Variants in TIMM23 observed in about 807,000 individuals in gnomAD.
TIMM23 encodes the protein mitochondrial import inner membrane translocase subunit Tim23.
Under a neutral mutation model 30.7 loss-of-function variants are expected in TIMM23, and 19 were observed. The ratio of observed to expected loss-of-function variants is 0.62; its 90% confidence interval spans 0.43 to 0.91. The LOEUF (loss-of-function observed/expected upper bound fraction) is 0.91, where lower values mean the gene tolerates loss of function less well. Among genes scored for constraint, TIMM23 ranks in the 40% least tolerant of loss-of-function variants. The pLI is 0.00. For synonymous variants in TIMM23, 78 were observed against 98.5 expected, an observed-to-expected ratio of 0.79 and a Z score of 1.23; for missense variants, 202 against 269.2, an observed-to-expected ratio of 0.75 and a Z score of 1.75.
intron 6 of TIMM23, among the ~76,000 whole-genome samples, 161 bp from the exon 7 acceptor site, chr10:46,003,039 ACTC>A (rs1405078140): frequency 6.6e-6 from 1 of 151,478 alleles, no homozygotes; most frequent in Non-Finnish European, 1.5e-5. Flanking sequence ...GGCTGGTTGA[ACTC>A]CTATCCTCAA....
At chr10:45,973,541 T>G (rs1264551356) in intron 1 of TIMM23, among the ~76,000 whole-genome samples, 33 of 152,254 alleles carry the variant, frequency 2.2e-4, no homozygotes, top group African/African-American at 7.0e-4. Context: ...CAACGAAATA[T>G]GTTCAGACTG....
chr10:45,998,662 A>T (rs887002434), intron 6 of TIMM23, among the ~76,000 whole-genome samples: 8 of 152,206 alleles, frequency 5.3e-5, no homozygotes, highest in Non-Finnish European at 1.0e-4. Flanking sequence ...ATGCTATGTG[A>T]TAAGTACAAA....
chr10:45,972,572 G>C lies in TIMM23; in HGVS notation c.-53G>C. 10 of 1,584,658 alleles carry C rather than the reference G, an allele frequency of 6.3e-6. No homozygotes were observed. Among genetic ancestry groups the C allele is most frequent in the Non-Finnish European group, 7.7e-6 (9 of 1,163,810 alleles). On this transcript the variant is annotated 5_prime_UTR_variant, in exon 1 of 7. Transcript: ENST00000580018. ...TGTTATTGAGGAGTAACGGCCCAGC[G>C]GACCACCCAGGCTTGAGGCAGCGGC...
rs1440625412 is a variant in TIMM23, at chr10:45,993,952, G to A, written c.514+5105G>A. ...ATATTGAAATGAATAATAAAATTCC[G>A]GGTGTGGTGGTGCACTCCAGCTTGG... On this transcript the variant is annotated intron_variant, in intron 6 of 6. Coordinates refer to ENST00000580018, the MANE Select transcript of TIMM23 (RefSeq NM_006327.4). Among the ~76,000 whole-genome samples the A allele has an allele frequency of 6.6e-5, 10 of 152,318 alleles. No homozygotes were observed. The East Asian group carries it at 1.3e-3, about 21-fold the overall frequency.
At chr10:45,985,900 T>C (rs1358842222) in intron 5 of TIMM23, among the ~76,000 whole-genome samples, 2 of 152,376 alleles carry the variant, frequency 1.3e-5, no homozygotes, top group East Asian at 3.9e-4. Flanking sequence ...ACAATTGGAA[T>C]AGGTTCCTTG....
intron 6 of TIMM23, among the ~76,000 whole-genome samples, chr10:45,989,950 T>A (rs1390700057): frequency 6.6e-6 from 1 of 152,170 alleles, no homozygotes; most frequent in Non-Finnish European, 1.5e-5. Context: ...ATTTTTTAAG[T>A]CAAGGTTTTT....
At chr10:45,986,756 A>C (rs1333323031) in intron 5 of TIMM23, among the ~76,000 whole-genome samples, 5 of 152,106 alleles carry the variant, frequency 3.3e-5, no homozygotes, top group Non-Finnish European at 7.4e-5. Flanking sequence ...ATACGTGAGA[A>C]TCAAACCTCA....
At chr10:45,983,118 A>G (rs1294273966) in intron 4 of TIMM23, among the ~76,000 whole-genome samples, 188 bp downstream of exon 4, 1 of 152,280 alleles carries the variant, frequency 6.6e-6, no homozygotes, top group Non-Finnish European at 1.5e-5. Flanking sequence ...GCTTTTAAAA[A>G]GGAGTGATTT....
At chr10:45,993,446 GTT>G (rs1403635957) in intron 6 of TIMM23, among the ~76,000 whole-genome samples, 2 of 151,798 alleles carry the variant, frequency 1.3e-5, no homozygotes, top group Non-Finnish European at 2.9e-5. Flanking sequence ...TAGAGACGGG[GTT>G]TCTCCATGTT....
chr10:45,976,261 C>A lies in TIMM23; in HGVS notation c.165+749C>A, dbSNP rs1192633428. Reference sequence around the variant, plus strand: ...TATAGTACAAAGACCACATGCTTATCTCAATAGATTCACAAAAATCATTTG... The same window carrying A: ...TATAGTACAAAGACCACATGCTTATATCAATAGATTCACAAAAATCATTTG... On this transcript the variant is annotated intron_variant, in intron 2 of 6. Transcript: ENST00000580018. Among the ~76,000 whole-genome samples the A allele has an allele frequency of 1.6e-4, 24 of 151,252 alleles. 1 individual carries two copies. Among genetic ancestry groups the A allele is most frequent in the Admixed American group, 1.4e-3 (21 of 15,176 alleles).
At chr10:46,001,621 A>C (rs1838540993) in intron 6 of TIMM23, among the ~76,000 whole-genome samples, 1 of 152,090 alleles carries the variant, frequency 6.6e-6, no homozygotes, top group Non-Finnish European at 1.5e-5. Flanking sequence ...CACGGAGCTA[A>C]AAGGGCCTCT....
At chr10:45,986,762 C>A (rs1554914832) in intron 5 of TIMM23, among the ~76,000 whole-genome samples, 2 of 151,410 alleles carry the variant, frequency 1.3e-5, no homozygotes, top group Non-Finnish European at 2.9e-5. Context: ...GAGAATCAAA[C>A]CTCACTTTTT....
chr10:45,991,804 A>T (rs1454683787), intron 6 of TIMM23, among the ~76,000 whole-genome samples: 1 of 151,720 alleles, frequency 6.6e-6, no homozygotes. Context: ...TTACTAGAAG[A>T]CTGTTTGCTG....
intron 2 of TIMM23, among the ~76,000 whole-genome samples, chr10:45,975,831 T>C (rs1837658002): frequency 6.6e-6 from 1 of 152,186 alleles, no homozygotes; most frequent in African/African-American, 2.4e-5. Context: ...GCCAGAGTTT[T>C]GCTTTTGTCC....
Position 46,003,625 on chromosome 10 carries a change from G to T in TIMM23, c.*307G>T. On this transcript the variant is annotated 3_prime_UTR_variant, in exon 7 of 7. Coordinates refer to ENST00000580018, the MANE Select transcript of TIMM23 (RefSeq NM_006327.4). ...ACCACTTACTCCCAGAATTCAGGTC[G>T]TGCTTGTTAGTACTATATCACCAAG... 4.0e-6 allele frequency: 1 copy of T among 247,692 alleles called. No individual in the cohort carries two copies. Among genetic ancestry groups the T allele is most frequent in the Non-Finnish European group, 8.0e-6 (1 of 125,580 alleles). 15.3% of individuals were successfully genotyped at this position (247,692 alleles called of 1,614,324 possible).
chr10:45,975,715 T>C (rs1323858692), intron 2 of TIMM23, among the ~76,000 whole-genome samples: 1 of 152,190 alleles, frequency 6.6e-6, no homozygotes, highest in Admixed American at 6.5e-5. Flanking sequence ...GCTTATTTTT[T>C]AAAACCAGAG....
intron 6 of TIMM23, among the ~76,000 whole-genome samples, chr10:45,998,972 A>T (rs1229139775): frequency 2.0e-5 from 3 of 151,376 alleles, no homozygotes; most frequent in Non-Finnish European, 4.4e-5. Flanking sequence ...AGCTGGGATT[A>T]CAGGTGCCTG....
chr10:46,001,873 C>A (rs371903784), intron 6 of TIMM23, among the ~76,000 whole-genome samples: 1 of 152,080 alleles, frequency 6.6e-6, no homozygotes, highest in African/African-American at 2.4e-5. Context: ...AGCAGTTAGG[C>A]CTTTTTATTT....
intron 4 of TIMM23, 131 bp downstream of exon 4, chr10:45,983,061 T>C (rs1837891462): frequency 1.4e-5 from 19 of 1,321,830 alleles, no homozygotes; most frequent in Non-Finnish European, 2.0e-5. Context: ...TGTTTTTTAA[T>C]CTTAATCAAA....
Sources: gnomAD v4.1 joint callset for allele counts (sites outside exome capture counted in the v4.1 genomes callset) on GRCh38, gnomAD v4.1.1 for gene constraint, MANE v1.5 for transcripts, NCBI Gene and HGNC (gene_info 2026-07-23, HGNC 2026-07-21) for gene names.